The following EPHA6 variants were observed in gnomAD, a reference collection of about 807,000 sequenced individuals.
EPHA6 encodes ephrin type-A receptor 6.
In EPHA6, 50 loss-of-function variants were observed where a neutral mutation model predicts 112.0. The ratio of observed to expected loss-of-function variants is 0.45; its 90% CI spans 0.36 to 0.56. EPHA6 has a LOEUF of 0.56. Among genes scored for constraint, EPHA6 ranks in the 20% least tolerant of loss-of-function variants. EPHA6 has a pLI of 0.00. For missense variants in EPHA6, 1,280 were observed against 1,417.4 expected, an observed-to-expected ratio of 0.90 and a Z score of 1.56; for synonymous variants, 529 against 490.7, an observed-to-expected ratio of 1.08 and a Z score of -1.03.
intron 2 of EPHA6, among the ~76,000 whole-genome samples, chr3:96,882,306 C>T (rs781521189): frequency 6.6e-6 from 1 of 152,180 alleles, no homozygotes; most frequent in Non-Finnish European, 1.5e-5. Flanking sequence ...TTCCATACAT[C>T]TTCTGAAATC....
intron 14 of EPHA6, among the ~76,000 whole-genome samples, chr3:97,690,901 A>G (rs1377823740): frequency 6.6e-6 from 1 of 152,042 alleles, no homozygotes; most frequent in African/African-American, 2.4e-5. Flanking sequence ...ATTGGTTATT[A>G]TTTTCTTGAC....
At chr3:97,663,178 G>A (rs1206645744) in intron 14 of EPHA6, among the ~76,000 whole-genome samples, 1 of 152,148 alleles carries the variant, frequency 6.6e-6, no homozygotes, top group African/African-American at 2.4e-5. Flanking sequence ...TCTGGAGAAG[G>A]AACCCCTGGG....
chr3:97,051,948 A>C (rs2045697272), intron 3 of EPHA6, among the ~76,000 whole-genome samples: 1 of 152,162 alleles, frequency 6.6e-6, no homozygotes, highest in African/African-American at 2.4e-5. Context: ...AAGACTCCAA[A>C]GTCGTGATAA....
chr3:97,078,459 AGTCCTT>A (rs1483526294), intron 3 of EPHA6, among the ~76,000 whole-genome samples: 1 of 152,138 alleles, frequency 6.6e-6, no homozygotes, highest in Non-Finnish European at 1.5e-5. Flanking sequence ...TTAGTCATGA[AGTCCTT>A]GCCCATGCCT....
At chr3:97,168,699 G>T (rs1279523657) in intron 3 of EPHA6, among the ~76,000 whole-genome samples, 1 of 151,822 alleles carries the variant, frequency 6.6e-6, no homozygotes, top group East Asian at 1.9e-4. Flanking sequence ...AGTTTCCTGA[G>T]GCCTCCCCAG....
intron 14 of EPHA6, among the ~76,000 whole-genome samples, chr3:97,638,956 T>C (rs947526323): frequency 6.6e-6 from 1 of 152,148 alleles, no homozygotes; most frequent in African/African-American, 2.4e-5. Context: ...CATTATTGAG[T>C]CCTTTTTTAT....
chr3:97,662,295 T>C (rs1030079462), intron 14 of EPHA6, among the ~76,000 whole-genome samples: 2 of 152,068 alleles, frequency 1.3e-5, no homozygotes, highest in African/African-American at 4.8e-5. Context: ...AAAAAGACAA[T>C]GAAGATGAAA....
intron 11 of EPHA6, among the ~76,000 whole-genome samples, chr3:97,589,131 T>A (rs574937427): frequency 6.6e-6 from 1 of 152,046 alleles, no homozygotes; most frequent in African/African-American, 2.4e-5. Flanking sequence ...TAAAATATTA[T>A]GAGGTTGTAT....
chr3:97,541,662 T>C lies in EPHA6; in HGVS notation c.2386+9119T>C, dbSNP rs148129778. ...TCTTTTATGACCTTGAAACCTTTCA[T>C]GTGCACTAATCAGTTATTTTGTAGA... On this transcript the variant is annotated intron_variant, in intron 11 of 17. Transcript: ENST00000389672. 5.9e-5 allele frequency among the ~76,000 whole-genome samples: 9 copies of C among 152,166 alleles called. No individual in the cohort carries two copies. In the East Asian group the frequency reaches 1.7e-3, roughly 29 times the overall value.
chr3:96,976,673 A>G (rs1165151225), intron 2 of EPHA6, among the ~76,000 whole-genome samples: 1 of 152,168 alleles, frequency 6.6e-6, no homozygotes, highest in African/African-American at 2.4e-5. Context: ...ACTCCATGCT[A>G]GAGCTTTAGA....
chr3:97,259,583 G>A (rs376676857), intron 5 of EPHA6, among the ~76,000 whole-genome samples: 7 of 152,078 alleles, frequency 4.6e-5, no homozygotes, highest in African/African-American at 7.2e-5. Flanking sequence ...CTGGAGCCTC[G>A]AACAGTATGA....
intron 10 of EPHA6, among the ~76,000 whole-genome samples, chr3:97,498,244 G>A (rs1430597428): frequency 6.6e-6 from 1 of 151,090 alleles, no homozygotes; most frequent in Non-Finnish European, 1.5e-5. Flanking sequence ...GTAACGTAGA[G>A]CTCTGCCTAG....
At chr3:96,874,352 C>T (rs2036822407) in intron 2 of EPHA6, among the ~76,000 whole-genome samples, 2 of 151,914 alleles carry the variant, frequency 1.3e-5, no homozygotes, top group Non-Finnish European at 2.9e-5. Context: ...ATTTAATTAT[C>T]TTAGAAAGGA....
At chr3:97,282,592 C>G (rs1018068727) in intron 5 of EPHA6, among the ~76,000 whole-genome samples, 1 of 152,072 alleles carries the variant, frequency 6.6e-6, no homozygotes, top group South Asian at 2.1e-4. Context: ...AACCCAAACA[C>G]CCATCACTGA....
intron 3 of EPHA6, among the ~76,000 whole-genome samples, chr3:97,172,050 G>A (rs1190891778): frequency 6.6e-6 from 1 of 151,968 alleles, no homozygotes; most frequent in African/African-American, 2.4e-5. Flanking sequence ...TAAGAATATG[G>A]TTTTAATGAA....
chr3:97,397,650 T>C lies in EPHA6; in HGVS notation c.1607-7500T>C, dbSNP rs79588380. On this transcript the variant is annotated intron_variant, in intron 5 of 17. Transcript: ENST00000389672. ...AGTATGTCTCAGAATATCCAAGTTA[T>C]ATGAAGCAGTTTTCTTAATAAAAAT... Among the ~76,000 whole-genome samples, 1,280 of 151,714 alleles carry C rather than the reference T, an allele frequency of 8.4e-3. 18 individuals carry two copies. Among genetic ancestry groups the C allele is most frequent in the African/African-American group, 0.029 (1,195 of 41,520 alleles).
chr3:97,168,673 T>G (rs955247388), intron 3 of EPHA6, among the ~76,000 whole-genome samples: 2 of 152,018 alleles, frequency 1.3e-5, no homozygotes, highest in Non-Finnish European at 2.9e-5. Context: ...CTCCTTTGCC[T>G]TCTACTATGA....
Position 96,974,480 on chromosome 3 carries a change from C to CT in EPHA6, c.451-12839dup, listed in dbSNP as rs200707051. Among the ~76,000 whole-genome samples, 1,012 of 141,988 alleles carry CT rather than the reference C, an allele frequency of 7.1e-3. 12 individuals are homozygous for CT. The highest frequency in any genetic ancestry group is 0.024 in the African/African-American group (928 of 38,840). 93.1% of individuals were successfully genotyped at this position (141,988 alleles called of 152,430 possible). A position where few individuals can be genotyped will look rare whatever the true frequency, so the allele number is the denominator to read the frequency against. On this transcript the variant is annotated intron_variant, in intron 2 of 17. Coordinates refer to ENST00000389672, the MANE Select transcript of EPHA6 (RefSeq NM_001080448.3). ...CTAAAATATCCCAGTTCCTCTGTCT[C>CT]TTTTTTTTTTTAATTTATGTTTTTT...
intron 2 of EPHA6, among the ~76,000 whole-genome samples, chr3:96,950,573 A>G (rs1364172520): frequency 2.0e-5 from 3 of 152,182 alleles, no homozygotes; most frequent in Non-Finnish European, 4.4e-5. Flanking sequence ...CAATTAAGCA[A>G]TGGAAGTTGA....
Sources: allele counts gnomAD v4.1 joint callset (sites outside exome capture counted in the v4.1 genomes callset), GRCh38; gene constraint gnomAD v4.1.1; transcripts MANE v1.5; gene names NCBI Gene and HGNC (gene_info 2026-07-23, HGNC 2026-07-21).